RANBP2: variants seen among roughly 807,000 people sequenced by gnomAD.
RANBP2 encodes RAN binding protein 2.
Under a neutral mutation model 303.6 loss-of-function variants are expected in RANBP2, and 57 were observed. The observed-to-expected ratio is 0.19, with a 90% CI of 0.15 to 0.23. The LOEUF (loss-of-function observed/expected upper bound fraction) is 0.23, where lower values mean the gene tolerates loss of function less well. Among genes scored for constraint, RANBP2 ranks in the 10% least tolerant of loss-of-function variants. The probability of loss-of-function intolerance (pLI) is 1.00; values close to 1 mark genes in which losing one functional copy is unlikely to be tolerated. For synonymous variants in RANBP2, 1,167 were observed against 1,301.5 expected, an observed-to-expected ratio of 0.90 and a Z score of 2.23; for missense variants, 3,138 against 3,780.8, an observed-to-expected ratio of 0.83 and a Z score of 4.46.
At chr2:109,505,351 A>T in the RANBP2 span, among the ~76,000 whole-genome samples, 1 of 152,192 alleles carries the variant, frequency 6.6e-6, no homozygotes, top group African/African-American at 2.4e-5. Context: ...AAGAACACTT[A>T]GCAAAGAGCC....
At chr2:109,730,776 CTTTTTTTTTTT>C in the RANBP2 span, among the ~76,000 whole-genome samples, 91 of 79,412 alleles carry the variant, frequency 1.1e-3, 1 homozygote, top group Admixed American at 2.0e-3. Flanking sequence ...CTCTCTCTCT[CTTTTTTTTTTT>C]TTTTTTTTTT....
the RANBP2 span, among the ~76,000 whole-genome samples, chr2:109,266,187 G>C: frequency 6.6e-6 from 1 of 151,438 alleles, no homozygotes; most frequent in South Asian, 2.1e-4. Context: ...GCGTGCATGT[G>C]TGTGTTGTGT....
intron 15 of RANBP2, among the ~76,000 whole-genome samples, chr2:108,754,474 A>T (rs1455328792): frequency 4.7e-5 from 7 of 150,176 alleles, no homozygotes; most frequent in Admixed American, 1.3e-4. Flanking sequence ...CTACTCTTTT[A>T]TTAGGATTTA....
intron 4 of RANBP2, among the ~76,000 whole-genome samples, chr2:108,734,334 G>A (rs138002216): frequency 5.1e-4 from 77 of 152,220 alleles, no homozygotes; most frequent in Non-Finnish European, 9.9e-4. Flanking sequence ...GAAATAGGAG[G>A]TGTGAAGTGT....
At chr2:109,245,849 GAATCTAGAGTACTTAACACTTGA>G in the RANBP2 span, among the ~76,000 whole-genome samples, 3 of 152,262 alleles carry the variant, frequency 2.0e-5, no homozygotes, top group East Asian at 3.9e-4. Context: ...ATGAGAGATT[GAATCTAGAGTACTTAACACTTGA>G]AATCTAGAGT....
the RANBP2 span, among the ~76,000 whole-genome samples, chr2:109,325,379 T>G: frequency 7.6e-6 from 1 of 131,706 alleles, no homozygotes; most frequent in Non-Finnish European, 1.6e-5. Flanking sequence ...TCTTGCTCTG[T>G]CACTCAGGCT....
the RANBP2 span, among the ~76,000 whole-genome samples, chr2:109,192,672 GACTC>G: frequency 6.6e-6 from 1 of 152,218 alleles, no homozygotes; most frequent in South Asian, 2.1e-4. Context: ...TGCAGAGGAA[GACTC>G]TTATAGATGA....
the RANBP2 span, among the ~76,000 whole-genome samples, chr2:108,888,308 G>C: frequency 6.6e-6 from 1 of 152,040 alleles, no homozygotes; most frequent in East Asian, 1.9e-4. Flanking sequence ...TCATTCACCA[G>C]GGATATTGGC....
the RANBP2 span, among the ~76,000 whole-genome samples, chr2:109,277,387 C>T: frequency 2.6e-5 from 4 of 152,262 alleles, no homozygotes; most frequent in East Asian, 1.9e-4. Flanking sequence ...ACCCCGGCCT[C>T]GGTGATGGAA....
the RANBP2 span, among the ~76,000 whole-genome samples, chr2:109,437,895 T>C: frequency 6.6e-6 from 1 of 152,106 alleles, no homozygotes. Context: ...CACGGCGTCT[T>C]CCACCACGGT....
the RANBP2 span, among the ~76,000 whole-genome samples, chr2:109,028,115 C>A: frequency 1.3e-5 from 2 of 151,994 alleles, no homozygotes; most frequent in Middle Eastern, 6.8e-3. Flanking sequence ...ACAAAAAATG[C>A]AAAAAATTAC....
the RANBP2 span, among the ~76,000 whole-genome samples, chr2:108,993,516 G>A: frequency 3.7e-4 from 57 of 152,302 alleles, no homozygotes; most frequent in African/African-American, 1.3e-3. Flanking sequence ...GAGAGACTAA[G>A]TCTGGGGGAG....
the RANBP2 span, chr2:109,618,534 T>A: frequency 6.0e-6 from 1 of 167,046 alleles, no homozygotes; most frequent in Admixed American, 6.5e-5. Context: ...GAACTACTTC[T>A]AGCATTCCTT....
At chr2:109,166,499 A>G in the RANBP2 span, among the ~76,000 whole-genome samples, 4 of 151,004 alleles carry the variant, frequency 2.6e-5, no homozygotes, top group East Asian at 1.9e-4. Context: ...CTTCACCTCT[A>G]TGTCAAGCTC....
downstream of RANBP2, among the ~76,000 whole-genome samples, chr2:108,790,655 C>T (rs1415994129): frequency 1.3e-5 from 2 of 152,156 alleles, no homozygotes; most frequent in African/African-American, 2.4e-5. Context: ...GAGCCGAGAT[C>T]GCGCCACTGC....
chr2:109,034,011 C>G, the RANBP2 span, among the ~76,000 whole-genome samples: 1 of 150,514 alleles, frequency 6.6e-6, no homozygotes, highest in East Asian at 2.0e-4. Flanking sequence ...GCCTGTAATC[C>G]CAGCACTTTG....
chr2:109,412,953 A>T, the RANBP2 span, among the ~76,000 whole-genome samples: 9 of 151,946 alleles, frequency 5.9e-5, no homozygotes, highest in Non-Finnish European at 1.3e-4. Context: ...AGGCCTGTCC[A>T]TGGAGACCAC....
the RANBP2 span, among the ~76,000 whole-genome samples, chr2:108,984,427 C>T: frequency 1.3e-5 from 2 of 152,156 alleles, no homozygotes; most frequent in East Asian, 3.9e-4. Context: ...GAGAGCCCAG[C>T]CCCCTTGCCA....
the RANBP2 span, chr2:108,791,588 T>C: frequency 6.9e-7 from 1 of 1,439,116 alleles, no homozygotes; most frequent in South Asian, 1.2e-5. Flanking sequence ...TTCTCAGTTA[T>C]GCTGTTAATA....
Sources: gnomAD v4.1 joint callset for allele counts (sites outside exome capture counted in the v4.1 genomes callset) on GRCh38, gnomAD v4.1.1 for gene constraint, MANE v1.5 for transcripts, NCBI Gene and HGNC (gene_info 2026-07-23, HGNC 2026-07-21) for gene names.